The following PCDH15 variants were observed in gnomAD, a reference collection of about 807,000 sequenced individuals.
PCDH15 encodes protocadherin-15.
In PCDH15, 129 loss-of-function variants were observed where a neutral mutation model predicts 178.5. The observed-to-expected ratio is 0.72, with a 90% CI of 0.63 to 0.84. The LOEUF is 0.84. Ranked by LOEUF, PCDH15 falls within the 40% of genes least tolerant of loss-of-function variation. PCDH15 has a pLI of 0.00. For synonymous variants in PCDH15, 800 were observed against 732.0 expected (o/e 1.09, Z -1.50); for missense variants, 2,230 against 2,099.9 (o/e 1.06, Z -1.21).
rs377681551 is a variant in PCDH15, at chr10:54,099,318, G to A, written c.1918-9255C>T. On this transcript the variant is annotated intron_variant, in intron 15 of 37. Coordinates refer to ENST00000644397, the MANE Select transcript of PCDH15 (RefSeq NM_001384140.1). ...GATCGAGACCATCCTGGCTAACATG[G>A]TGAAACCCCATCTCTACTAAAAATA... Among the ~76,000 whole-genome samples, 7 of 151,650 alleles carry A rather than the reference G, an allele frequency of 4.6e-5. No homozygotes were observed. In the South Asian group the frequency reaches 8.3e-4, roughly 18 times the overall value.
intron 2 of PCDH15, among the ~76,000 whole-genome samples, chr10:54,601,495 A>T (rs79348833): frequency 0.019 from 2,825 of 152,128 alleles, 27 homozygotes; most frequent in Non-Finnish European, 0.026. Flanking sequence ...AATAGAAAAC[A>T]TCTCACACCA....
chr10:54,967,213 A>C (rs1838813594), intron 2 of PCDH15, among the ~76,000 whole-genome samples: 1 of 151,818 alleles, frequency 6.6e-6, no homozygotes. Flanking sequence ...CTCCACTATA[A>C]TCTTATGGGA....
chr10:53,930,510 G>A (rs368199200), intron 25 of PCDH15, among the ~76,000 whole-genome samples: 2 of 135,416 alleles, frequency 1.5e-5, no homozygotes, highest in African/African-American at 5.4e-5. Flanking sequence ...ATTCACATTT[G>A]TCTTTCCTTT....
chr10:53,882,418 G>C (rs2080790899), intron 26 of PCDH15, among the ~76,000 whole-genome samples: 1 of 152,134 alleles, frequency 6.6e-6, no homozygotes, highest in Non-Finnish European at 1.5e-5. Flanking sequence ...CTTTGACTCT[G>C]CTGGACTTCG....
intron 2 of PCDH15, among the ~76,000 whole-genome samples, chr10:55,601,236 A>T (rs1843069832): frequency 6.6e-6 from 1 of 152,226 alleles, no homozygotes; most frequent in African/African-American, 2.4e-5. Context: ...AATGATGTGG[A>T]AACACATACA....
intron 29 of PCDH15, among the ~76,000 whole-genome samples, chr10:53,838,945 C>T (rs1464127459): frequency 6.6e-6 from 1 of 152,140 alleles, no homozygotes; most frequent in African/African-American, 2.4e-5. Flanking sequence ...TGGCTCACAC[C>T]TGTAATCCCA....
rs572431953 is a variant in PCDH15, at chr10:55,477,085, A to G, written c.-156+150540T>C. Among the ~76,000 whole-genome samples the G allele has an allele frequency of 2.0e-4, 31 of 152,092 alleles. 1 individual carries two copies. Among genetic ancestry groups the G allele is most frequent in the Middle Eastern group, 6.8e-3 (2 of 294 alleles). On this transcript the variant is annotated intron_variant, in intron 2 of 5. Transcript: ENST00000613346. ...AATTATTTGTGTGTACTAGTATATT[A>G]CCCACTGTTGGAATAGGAAATCAGA...
At chr10:55,324,980 A>G (rs1007849147) in intron 2 of PCDH15, among the ~76,000 whole-genome samples, 8 of 152,150 alleles carry the variant, frequency 5.3e-5, no homozygotes, top group African/African-American at 1.9e-4. Flanking sequence ...AATTGCCACA[A>G]GAAGAATGAA....
At chr10:54,082,547 G>T (rs189510460) in intron 16 of PCDH15, among the ~76,000 whole-genome samples, 6 of 152,224 alleles carry the variant, frequency 3.9e-5, no homozygotes, top group African/African-American at 1.4e-4. Context: ...ATACGTAAAA[G>T]AATTAAGTTA....
At chr10:55,278,257 T>TA (rs1189123566) in intron 1 of PCDH15, among the ~76,000 whole-genome samples, 4,153 of 152,098 alleles carry the variant, frequency 0.027, 189 homozygotes, top group African/African-American at 0.094. Flanking sequence ...TCATGAATAT[T>TA]AAAAAAAAGT....
chr10:54,298,074 G>A (rs2059911301), intron 8 of PCDH15, among the ~76,000 whole-genome samples: 4 of 152,094 alleles, frequency 2.6e-5, no homozygotes, highest in African/African-American at 7.2e-5. Flanking sequence ...CTGTGTTCTA[G>A]AAGGACTAAG....
chr10:55,245,034 C>T (rs1841648865), intron 1 of PCDH15, among the ~76,000 whole-genome samples: 1 of 151,908 alleles, frequency 6.6e-6, no homozygotes. Flanking sequence ...TGAAATCTCA[C>T]CAGTTTTGAG....
At chr10:55,577,947 T>A (rs1842527914) in intron 2 of PCDH15, among the ~76,000 whole-genome samples, 2 of 151,982 alleles carry the variant, frequency 1.3e-5, no homozygotes, top group African/African-American at 4.8e-5. Flanking sequence ...AAGGTTAAAG[T>A]TAGGAGAGAG....
chr10:54,531,696 A>C (rs911999177), intron 2 of PCDH15, among the ~76,000 whole-genome samples: 4 of 152,266 alleles, frequency 2.6e-5, no homozygotes, highest in Admixed American at 1.3e-4. Flanking sequence ...TTACTTTAAA[A>C]AATATATTAA....
At chr10:54,545,614 A>G (rs1402218742) in intron 2 of PCDH15, among the ~76,000 whole-genome samples, 1 of 152,062 alleles carries the variant, frequency 6.6e-6, no homozygotes, top group Non-Finnish European at 1.5e-5. Flanking sequence ...GAAAGCCAAT[A>G]TACCAAGAAC....
chr10:55,351,357 T>G (rs1160624519), intron 2 of PCDH15, among the ~76,000 whole-genome samples: 1 of 152,058 alleles, frequency 6.6e-6, no homozygotes, highest in African/African-American at 2.4e-5. Context: ...ACTTTTCAAC[T>G]GTATTCAGTA....
chr10:53,897,974 T>G (rs1438695592), intron 26 of PCDH15, among the ~76,000 whole-genome samples: 1 of 136,140 alleles, frequency 7.3e-6, no homozygotes, highest in Non-Finnish European at 1.5e-5. Flanking sequence ...TTTTTTTTTT[T>G]TTTTTTTTTT....
intron 3 of PCDH15, among the ~76,000 whole-genome samples, chr10:54,501,272 G>C (rs2080661573): frequency 6.6e-6 from 1 of 151,676 alleles, no homozygotes; most frequent in Non-Finnish European, 1.5e-5. Flanking sequence ...ACAAGCAAGG[G>C]TGATCATAAT....
intron 2 of PCDH15, among the ~76,000 whole-genome samples, chr10:54,547,737 A>G (rs1360155403): frequency 6.6e-6 from 1 of 152,132 alleles, no homozygotes; most frequent in Middle Eastern, 3.2e-3. Context: ...GACCAGATGC[A>G]TATTCTGGCA....
Sources: gnomAD v4.1 joint callset for allele counts (sites outside exome capture counted in the v4.1 genomes callset) on GRCh38, gnomAD v4.1.1 for gene constraint, MANE v1.5 for transcripts, NCBI Gene and HGNC (gene_info 2026-07-23, HGNC 2026-07-21) for gene names.